MYT1L: variants seen among roughly 807,000 people sequenced by gnomAD.
MYT1L encodes myelin transcription factor 1 like, also known as myelin transcription factor 1-like protein.
MYT1L carries 12 observed loss-of-function variants against 126.7 expected under a neutral mutation model. The observed-to-expected ratio is 0.09, with a 90% CI of 0.06 to 0.15. The LOEUF (loss-of-function observed/expected upper bound fraction) is 0.15. Ranked by LOEUF, MYT1L falls within the 10% of genes least tolerant of loss-of-function variation. The pLI is 1.00. For missense variants in MYT1L, 979 were observed against 1,585.2 expected (o/e 0.62, Z 6.49); for synonymous variants, 541 against 604.2 (o/e 0.90, Z 1.53).
At position 2,004,750 on chromosome 2, in the gene MYT1L, GCGTTCTTTCCTGAATA is replaced by G. The variant is rs1272061348; in HGVS notation, c.-157-7419_-157-7404del. Reference sequence around the variant, plus strand: ...TTCCTGCGTGCCTTCTTTCCTGCAGGCGTTCTTTCCTGAATACGTTCTTTCCTGCAGGCATTCTTTC... The same window carrying G: ...TTCCTGCGTGCCTTCTTTCCTGCAGGCGTTCTTTCCTGCAGGCATTCTTTC... On this transcript the variant is annotated intron_variant, in intron 4 of 24. Transcript: ENST00000647738. Among the ~76,000 whole-genome samples, 146 of 103,904 alleles carry G rather than the reference GCGTTCTTTCCTGAATA, an allele frequency of 1.4e-3. 3 individuals carry two copies. The highest frequency in any genetic ancestry group is 0.012 in the Admixed American group (138 of 11,220). 68.2% of individuals were successfully genotyped at this position (103,904 alleles called of 152,430 possible).
intron 18 of MYT1L, among the ~76,000 whole-genome samples, chr2:1,864,795 C>T (rs1164925297): frequency 6.6e-6 from 1 of 152,186 alleles, no homozygotes; most frequent in Admixed American, 6.5e-5. Context: ...CACTTCGGGG[C>T]AGCCTTCATG....
chr2:2,164,599 T>C (rs1213538867), intron 3 of MYT1L, among the ~76,000 whole-genome samples: 1 of 152,136 alleles, frequency 6.6e-6, no homozygotes, highest in Non-Finnish European at 1.5e-5. Context: ...TCACATAGGG[T>C]AGCCACCCCA....
At chr2:2,227,895 C>G (rs2094055281) in intron 2 of MYT1L, among the ~76,000 whole-genome samples, 1 of 152,192 alleles carries the variant, frequency 6.6e-6, no homozygotes, top group Non-Finnish European at 1.5e-5. Context: ...ACATGACCTT[C>G]TAGCATTTGT....
rs969619041 is a variant in MYT1L, at chr2:1,922,250, T to G, written c.1483+36A>C. The G allele has an allele frequency of 2.1e-5, 34 of 1,598,790 alleles. No individual in the cohort carries two copies. Among genetic ancestry groups the G allele is most frequent in the Non-Finnish European group, 2.8e-5 (33 of 1,171,016 alleles). On this transcript the variant is annotated intron_variant, in intron 10 of 24. Transcript: ENST00000647738. This position sits in a 1 kb window ranked among gnomAD's most constrained non-coding sequence, Gnocchi z 7.4. ...CAACATCCTTTACCCTAGCTCATGTTTTCATGAGGCAACTTACGTTAGGTA... is the reference window on the plus strand; with the variant it reads ...CAACATCCTTTACCCTAGCTCATGTGTTCATGAGGCAACTTACGTTAGGTA...
chr2:2,326,807 A>T (rs1488026531), intron 1 of MYT1L: 1 of 152,254 alleles, frequency 6.6e-6, no homozygotes, highest in Non-Finnish European at 1.5e-5. Context: ...AGCCAAAAAC[A>T]CTTCCATTGT....
chr2:1,913,280 C>T (rs1469944972), intron 11 of MYT1L, among the ~76,000 whole-genome samples: 1 of 152,172 alleles, frequency 6.6e-6, no homozygotes, highest in Non-Finnish European at 1.5e-5. Context: ...TTAGCTTTAT[C>T]GCTCCCACAG....
At chr2:1,874,833 G>A (rs1001301540) in intron 18 of MYT1L, among the ~76,000 whole-genome samples, 7 of 152,156 alleles carry the variant, frequency 4.6e-5, no homozygotes, top group African/African-American at 1.4e-4. Context: ...TTTCCACCTA[G>A]GGCAACGGGA....
At chr2:1,871,034 C>A (rs548622155) in intron 18 of MYT1L, among the ~76,000 whole-genome samples, 8 of 152,152 alleles carry the variant, frequency 5.3e-5, no homozygotes, top group Non-Finnish European at 1.2e-4. Context: ...ACAAATTCCC[C>A]GCAGAGGGAG....
intron 3 of MYT1L, among the ~76,000 whole-genome samples, chr2:2,068,176 C>T (rs1440659903): frequency 1.3e-5 from 2 of 152,088 alleles, no homozygotes; most frequent in Non-Finnish European, 2.9e-5. Context: ...GGAGGAGACA[C>T]TTTAGAAGCC....
chr2:1,983,891 A>C (rs1202775666), intron 5 of MYT1L, among the ~76,000 whole-genome samples: 1 of 152,176 alleles, frequency 6.6e-6, no homozygotes, highest in Non-Finnish European at 1.5e-5. Context: ...AGTAATTTAC[A>C]TTTAGAAAAT....
At chr2:2,144,583 G>A (rs1442020944) in intron 3 of MYT1L, among the ~76,000 whole-genome samples, 4 of 152,272 alleles carry the variant, frequency 2.6e-5, no homozygotes, top group Admixed American at 6.5e-5. Flanking sequence ...TGTGGGAAAC[G>A]GCAGACACTT....
At chr2:1,956,740 A>G (rs932594234) in intron 8 of MYT1L, among the ~76,000 whole-genome samples, 14 of 152,118 alleles carry the variant, frequency 9.2e-5, no homozygotes, top group African/African-American at 3.4e-4. Flanking sequence ...CAAGAGATAT[A>G]AGTTGACAAG....
intron 4 of MYT1L, among the ~76,000 whole-genome samples, chr2:2,002,801 G>T (rs543363809): frequency 8.1e-4 from 123 of 152,236 alleles, no homozygotes; most frequent in African/African-American, 2.7e-3. Context: ...TTTCCCCCAT[G>T]CTGTTCTCAT....
chr2:2,287,310 T>C (rs557497705), intron 1 of MYT1L, among the ~76,000 whole-genome samples: 4 of 152,132 alleles, frequency 2.6e-5, no homozygotes, highest in African/African-American at 7.2e-5. Context: ...TCAAGGAGCT[T>C]ACAAGACTTT....
intron 4 of MYT1L, among the ~76,000 whole-genome samples, chr2:2,033,483 G>A (rs1296241678): frequency 1.3e-5 from 2 of 152,216 alleles, no homozygotes; most frequent in Non-Finnish European, 2.9e-5. Context: ...TGGCAACGAG[G>A]CAGAACTCAG....
At chr2:2,292,965 G>T (rs2095621067) in intron 1 of MYT1L, among the ~76,000 whole-genome samples, 2 of 152,130 alleles carry the variant, frequency 1.3e-5, no homozygotes, top group African/African-American at 2.4e-5. Flanking sequence ...CTCTGCAAAA[G>T]AACATTTTCC....
chr2:2,152,822 G>A (rs530891113), intron 3 of MYT1L, among the ~76,000 whole-genome samples: 3 of 152,298 alleles, frequency 2.0e-5, no homozygotes, highest in Admixed American at 6.5e-5. Flanking sequence ...TCTTAGTTAG[G>A]AGTTCCTTGG....
intron 3 of MYT1L, among the ~76,000 whole-genome samples, chr2:2,164,451 G>A (rs1039924943): frequency 5.3e-5 from 8 of 152,148 alleles, no homozygotes; most frequent in African/African-American, 1.7e-4. Context: ...AACACGTGGG[G>A]ATCATGACAT....
At chr2:2,081,040 T>C (rs1333305869) in intron 3 of MYT1L, among the ~76,000 whole-genome samples, 3 of 152,198 alleles carry the variant, frequency 2.0e-5, no homozygotes, top group African/African-American at 7.2e-5. Context: ...AATGGGTCCA[T>C]TGTCTCTTTT....
Sources: allele counts gnomAD v4.1 joint callset (sites outside exome capture counted in the v4.1 genomes callset), GRCh38; gene constraint gnomAD v4.1.1; non-coding constraint Gnocchi (gnomAD v3.1); transcripts MANE v1.5; gene names NCBI Gene and HGNC (gene_info 2026-07-23, HGNC 2026-07-21).